IQUB: variants seen among roughly 807,000 people sequenced by gnomAD.
IQUB encodes IQ motif and ubiquitin-like domain-containing protein.
A neutral mutation model predicts 86.4 loss-of-function variants in IQUB; 86 were observed. The ratio of observed to expected loss-of-function variants is 1.00; its 90% confidence interval spans 0.84 to 1.19. The LOEUF (loss-of-function observed/expected upper bound fraction) is 1.19, where lower values mean the gene tolerates loss of function less well. IQUB is among the 50% of genes most tolerant of loss of function. IQUB has a pLI of 0.00. For synonymous variants in IQUB, 289 were observed against 304.5 expected (o/e 0.95, Z 0.53); for missense variants, 946 against 916.9 (o/e 1.03, Z -0.41).
intron 7 of IQUB, among the ~76,000 whole-genome samples, chr7:123,494,749 T>G (rs958789302): frequency 7.9e-5 from 12 of 152,136 alleles, no homozygotes; most frequent in African/African-American, 2.4e-4. Flanking sequence ...TTTATACTTT[T>G]TACTCTATTA....
intron 7 of IQUB, among the ~76,000 whole-genome samples, chr7:123,483,372 A>ATT (rs1328723121): frequency 1.3e-5 from 2 of 152,274 alleles, no homozygotes; most frequent in African/African-American, 4.8e-5. Flanking sequence ...GATGGAGATT[A>ATT]TTATTAGATT....
chr7:123,474,692 T>C (rs535182540), intron 8 of IQUB, among the ~76,000 whole-genome samples: 1 of 152,228 alleles, frequency 6.6e-6, no homozygotes, highest in Admixed American at 6.5e-5. Context: ...TTAGGCTATG[T>C]GCACTGACTG....
intron 8 of IQUB, 48 bp from the exon 9 acceptor site, chr7:123,469,432 G>T (rs769654992): frequency 1.7e-6 from 2 of 1,152,628 alleles, no homozygotes; most frequent in African/African-American, 1.6e-5. Context: ...TAGAAACTAC[G>T]TATAACAATT....
intron 8 of IQUB, among the ~76,000 whole-genome samples, chr7:123,472,680 A>G (rs569201987): frequency 4.9e-4 from 74 of 152,362 alleles, no homozygotes; most frequent in African/African-American, 1.7e-3. Context: ...CTGAAAAGAT[A>G]TTAAAAAATC....
intron 8 of IQUB, among the ~76,000 whole-genome samples, chr7:123,470,811 A>G (rs1343093006): frequency 6.6e-6 from 1 of 151,854 alleles, no homozygotes; most frequent in Non-Finnish European, 1.5e-5. Flanking sequence ...AGATCGCGCC[A>G]CTGCACTCCA....
intron 10 of IQUB, among the ~76,000 whole-genome samples, chr7:123,461,851 A>C (rs1794004440): frequency 6.6e-6 from 1 of 151,836 alleles, no homozygotes; most frequent in Non-Finnish European, 1.5e-5. Context: ...CAGTTCTTAG[A>C]TATTTGTGGT....
intron 11 of IQUB, among the ~76,000 whole-genome samples, chr7:123,459,365 A>G (rs1793876127): frequency 6.6e-6 from 1 of 152,036 alleles, no homozygotes; most frequent in Admixed American, 6.6e-5. Context: ...CATTTAAGTA[A>G]GTCAGTAGAC....
chr7:123,464,766 A>G, intron 10 of IQUB, 67 bp downstream of exon 10: 1 of 1,079,152 alleles, frequency 9.3e-7, no homozygotes, highest in Non-Finnish European at 1.3e-6. Flanking sequence ...AAATTTGAAT[A>G]TACTTCAATT....
At chr7:123,517,530 CAAAAAA>C (rs374712007) in intron 1 of IQUB, among the ~76,000 whole-genome samples, 1 of 22,452 alleles carries the variant, frequency 4.5e-5, no homozygotes, top group Admixed American at 6.8e-4. Context: ...GACTCCATCT[CAAAAAA>C]AAAAAAAAAA....
In IQUB at chr7:123,453,179, A is replaced by G. The variant is rs1049088895; in HGVS notation, c.2194-254T>C. On this transcript the variant is annotated intron_variant, in intron 12 of 12. Transcript: ENST00000324698. ...CAACTCAATATTCATTCTTTCTCCC[A>G]TTTGAGCCAGAGGCCTGATTTTGTA... Among the ~76,000 whole-genome samples, 6 of 150,454 alleles carry G rather than the reference A, an allele frequency of 4.0e-5. No individual in the cohort carries two copies. In the South Asian group the frequency reaches 1.3e-3, roughly 32 times the overall value.
At chr7:123,466,008 T>C (rs1794242755) in intron 9 of IQUB, among the ~76,000 whole-genome samples, 1 of 152,094 alleles carries the variant, frequency 6.6e-6, no homozygotes. Flanking sequence ...AAATAACACC[T>C]ATTATTTATT....
In IQUB at chr7:123,452,737, G is replaced by T; in HGVS notation, c.*6C>A. ...GCCGATCATCAAACAAATACTCCTG[G>T]ATCACCTAATGAGGAGGCCTCTGGG... On this transcript the variant is annotated 3_prime_UTR_variant, in exon 13 of 13. Coordinates refer to ENST00000324698, the MANE Select transcript of IQUB (RefSeq NM_178827.5). The T allele has an allele frequency of 6.2e-7, 1 of 1,603,662 alleles. No homozygotes were observed.
intron 8 of IQUB, among the ~76,000 whole-genome samples, chr7:123,477,422 C>T (rs187317911): frequency 6.6e-6 from 1 of 152,140 alleles, no homozygotes; most frequent in Admixed American, 6.5e-5. Context: ...TCCTTACACA[C>T]CTTATACAAA....
At chr7:123,462,580 T>C (rs1563429212) in intron 10 of IQUB, 3 of 202,252 alleles carry the variant, frequency 1.5e-5, no homozygotes, top group African/African-American at 4.7e-5. Context: ...ATTTAAAAGG[T>C]AGTCAATTCT....
chr7:123,533,193 T>G (rs1036528540), intron 1 of IQUB, among the ~76,000 whole-genome samples: 3 of 152,236 alleles, frequency 2.0e-5, no homozygotes, highest in African/African-American at 7.2e-5. Context: ...CAGACCCCTC[T>G]AGTTTTTTAC....
At chr7:123,475,847 T>A (rs1011720555) in intron 8 of IQUB, among the ~76,000 whole-genome samples, 1 of 152,170 alleles carries the variant, frequency 6.6e-6, no homozygotes, top group African/African-American at 2.4e-5. Flanking sequence ...TGAAGCAGGA[T>A]GCAAGGTAAA....
chr7:123,516,196 C>T (rs1796628789), intron 1 of IQUB, among the ~76,000 whole-genome samples: 1 of 151,838 alleles, frequency 6.6e-6, no homozygotes, highest in Non-Finnish European at 1.5e-5. Flanking sequence ...TTTTGAAAAT[C>T]GACGAGGCAG....
intron 1 of IQUB, among the ~76,000 whole-genome samples, chr7:123,522,777 T>A (rs1796967556): frequency 6.6e-6 from 1 of 152,092 alleles, no homozygotes; most frequent in South Asian, 2.1e-4. Flanking sequence ...TATGTATACG[T>A]GTGACATGCT....
chr7:123,466,669 G>T (rs571833079), intron 9 of IQUB, among the ~76,000 whole-genome samples: 5 of 152,176 alleles, frequency 3.3e-5, no homozygotes, highest in African/African-American at 1.2e-4. Flanking sequence ...CAGAAAGAGC[G>T]TTCTTTACAG....
Sources: allele counts gnomAD v4.1 joint callset (sites outside exome capture counted in the v4.1 genomes callset), GRCh38; gene constraint gnomAD v4.1.1; transcripts MANE v1.5; gene names NCBI Gene and HGNC (gene_info 2026-07-23, HGNC 2026-07-21).